The following GEN1 variants were observed in gnomAD, a reference collection of about 807,000 sequenced individuals.
GEN1 encodes the protein flap endonuclease GEN homolog 1.
A neutral mutation model predicts 67.6 loss-of-function variants in GEN1; 64 were observed. That is an observed-to-expected ratio of 0.95 (90% CI 0.77 to 1.17). The LOEUF is 1.17. Among genes scored for constraint, GEN1 ranks in the 50% most tolerant of loss-of-function variants. The pLI, the probability that GEN1 is intolerant of heterozygous loss-of-function variation, is 0.00. For missense variants in GEN1, 1,058 were observed against 1,048.3 expected (o/e 1.01, Z -0.13); for synonymous variants, 371 against 359.4 (o/e 1.03, Z -0.37).
chr2:17,761,940 TAAA>T lies in GEN1; in HGVS notation c.348+359_348+361del, dbSNP rs568688372. Among the ~76,000 whole-genome samples the T allele has an allele frequency of 1.1e-4, 17 of 152,282 alleles. No individual in the cohort carries two copies. In the South Asian group the frequency reaches 3.5e-3, roughly 32 times the overall value. Reference sequence around the variant, plus strand: ...TACCTTTTATAACACCTTCAGGACTTAAAGAAGTCCCAGAATACATGAGATCTC... The same window carrying T: ...TACCTTTTATAACACCTTCAGGACTTGAAGTCCCAGAATACATGAGATCTC... On this transcript the variant is annotated intron_variant, in intron 3 of 13. Transcript: ENST00000381254.
Position 17,766,701 on chromosome 2 carries a change from T to C in GEN1, c.636+12T>C. 7.1e-7 allele frequency: 1 copy of C among 1,405,998 alleles called. No homozygotes were observed. Among genetic ancestry groups the C allele is most frequent in the East Asian group, 2.3e-5 (1 of 43,764 alleles). 87.1% of individuals were successfully genotyped at this position (1,405,998 alleles called of 1,614,324 possible). Reference sequence around the variant, plus strand: ...ATTATCTCCCAAAGGTAAGCTGAAATTGTCATATTTATTTGCTATTCATAA... The same window carrying C: ...ATTATCTCCCAAAGGTAAGCTGAAACTGTCATATTTATTTGCTATTCATAA... On this transcript the variant is annotated intron_variant, in intron 5 of 13. Coordinates refer to ENST00000381254, the MANE Select transcript of GEN1 (RefSeq NM_001130009.3).
chr2:17,781,818 A>T lies in GEN1; in HGVS notation c.2606A>T (p.Asp869Val), dbSNP rs1004260070. 2 of 1,612,624 alleles carry T rather than the reference A, an allele frequency of 1.2e-6. No individual in the cohort carries two copies. The highest frequency in any genetic ancestry group is 1.7e-6 in the Non-Finnish European group (2 of 1,179,390). The change falls in exon 14 of 14, where the codon GAT (aspartate) becomes GTT (valine). Residue 869 changes from aspartate (D) to valine (V), a missense_variant. Coordinates refer to ENST00000381254, the MANE Select transcript of GEN1 (RefSeq NM_001130009.3). ...GAAAATGAAGAAAGCTGTTTCCCAGATTCAACAAAAAGTTCTCTGAGTTCT... is the reference window on the plus strand; with the variant it reads ...GAAAATGAAGAAAGCTGTTTCCCAGTTTCAACAAAAAGTTCTCTGAGTTCT... ...TAENEESCFP[D>V]STKSSLSSLQ...
chr2:17,786,326 G>A lies in GEN1; in HGVS notation c.*4387G>A, dbSNP rs1234067446. 1 of 152,218 alleles carries A rather than the reference G, an allele frequency of 6.6e-6. No individual in the cohort carries two copies. Among genetic ancestry groups the A allele is most frequent in the Non-Finnish European group, 1.5e-5 (1 of 68,038 alleles). The allele number at this position is 152,218 out of a possible 1,614,324, so 9.4% of individuals were successfully genotyped here. A position where few individuals can be genotyped will look rare whatever the true frequency, so the allele number is the denominator to read the frequency against. ...AAATGTGGACACAGTAACACTAGTA[G>A]GGGGCAGTGTGAGGGTGGGAGATGT... On this transcript the variant is annotated 3_prime_UTR_variant, in exon 14 of 14. Coordinates refer to ENST00000381254, the MANE Select transcript of GEN1 (RefSeq NM_001130009.3).
At chr2:17,771,321 C>A (rs1572405676) in intron 7 of GEN1, 34 bp downstream of exon 7, 4 of 1,196,934 alleles carry the variant, frequency 3.3e-6, no homozygotes, top group Non-Finnish European at 3.7e-6. Context: ...ATTAGTATCT[C>A]ATACCCATGT....
intron 6 of GEN1, among the ~76,000 whole-genome samples, chr2:17,770,284 A>G (rs1209850176): frequency 1.3e-5 from 2 of 152,172 alleles, no homozygotes; most frequent in Admixed American, 1.3e-4. Flanking sequence ...TCTGTTTTAT[A>G]TACTGACTTT....
Position 17,786,246 on chromosome 2 carries a change from G to A in GEN1, c.*4307G>A, listed in dbSNP as rs1397992349. On this transcript the variant is annotated 3_prime_UTR_variant, in exon 14 of 14. Coordinates refer to ENST00000381254, the MANE Select transcript of GEN1 (RefSeq NM_001130009.3). ...TGTCCGATACCATCATTTGGAAAGA[G>A]CACTATCAGATTTTGGATTCAAACT... 1.3e-5 allele frequency: 2 copies of A among 152,218 alleles called. No individual in the cohort carries two copies. Among genetic ancestry groups the A allele is most frequent in the African/African-American group, 2.4e-5 (1 of 41,448 alleles). 9.4% of individuals were successfully genotyped at this position (152,218 alleles called of 1,614,324 possible). A position where few individuals can be genotyped will look rare whatever the true frequency, so the allele number is the denominator to read the frequency against.
At chr2:17,766,811 G>A in intron 5 of GEN1, 122 bp downstream of exon 5, 1 of 568,926 alleles carries the variant, frequency 1.8e-6, no homozygotes, top group South Asian at 2.7e-5. Flanking sequence ...TATAATTTCA[G>A]GCATAATAAG....
At chr2:17,777,336 A>G (rs927441341) in intron 11 of GEN1, among the ~76,000 whole-genome samples, 70 of 152,304 alleles carry the variant, frequency 4.6e-4, no homozygotes, top group African/African-American at 1.5e-3. Flanking sequence ...GATGATGATG[A>G]TGATAAGCCA....
rs923938296 is a variant in GEN1, at chr2:17,785,911, T to A, written c.*3972T>A. ...GTCTAAAAAAAATTAAAATTTAAAT[T>A]AAAAAAAAATATACAATCTCCGTCT... is the stretch of plus-strand genomic sequence containing the variant. On this transcript the variant is annotated 3_prime_UTR_variant, in exon 14 of 14. Coordinates refer to ENST00000381254, the MANE Select transcript of GEN1 (RefSeq NM_001130009.3). The A allele has an allele frequency of 7.9e-5, 12 of 151,356 alleles. No homozygotes were observed. Among genetic ancestry groups the A allele is most frequent in the Non-Finnish European group, 1.2e-4 (8 of 67,754 alleles). The allele number at this position is 151,356 out of a possible 1,614,324, so 9.4% of individuals were successfully genotyped here. A position where few individuals can be genotyped will look rare whatever the true frequency, so the allele number is the denominator to read the frequency against.
intron 3 of GEN1, among the ~76,000 whole-genome samples, chr2:17,764,294 G>A (rs1671822368): frequency 6.6e-6 from 1 of 152,214 alleles, no homozygotes; most frequent in Admixed American, 6.5e-5. Context: ...AAAACTGTAT[G>A]ATAGCATCTT....
intron 12 of GEN1, among the ~76,000 whole-genome samples, 168 bp downstream of exon 12, chr2:17,778,231 T>C (rs868836373): frequency 4.8e-5 from 7 of 146,792 alleles, no homozygotes; most frequent in Non-Finnish European, 1.0e-4. Context: ...CACACACATA[T>C]ATGTGTGTAC....
intron 1 of GEN1, among the ~76,000 whole-genome samples, chr2:17,758,536 A>G (rs1157067139): frequency 1.3e-5 from 2 of 152,236 alleles, no homozygotes; most frequent in African/African-American, 4.8e-5. Context: ...CCACAATGGT[A>G]CATTCAACCA....
At chr2:17,780,551 T>G in intron 13 of GEN1, 70 bp from the exon 14 acceptor site, 1 of 1,053,498 alleles carries the variant, frequency 9.5e-7, no homozygotes, top group Non-Finnish European at 1.4e-6. Flanking sequence ...AACTGTTTAT[T>G]TTTTTATTTT....
Position 17,780,809 on chromosome 2 carries a change from A to G in GEN1, c.1597A>G (p.Lys533Glu). The G allele has an allele frequency of 6.2e-7, 1 of 1,613,924 alleles. No homozygotes were observed. Among genetic ancestry groups the G allele is most frequent in the East Asian group, 2.2e-5 (1 of 44,848 alleles). The change falls in exon 14 of 14, where the codon AAA (lysine) becomes GAA (glutamate). Residue 533 changes from lysine (K) to glutamate (E), a missense_variant. Coordinates refer to ENST00000381254, the MANE Select transcript of GEN1 (RefSeq NM_001130009.3). The part of the protein sequence containing the change: ...SASLNSLLLP[K>E]NTPCLNAQEQ... ...CTCATTGAATAGCTTGCTTTTACCT[A>G]AAAATACTCCATGTTTGAATGCACA...
At chr2:17,776,095 G>A (rs542781773) in intron 11 of GEN1, among the ~76,000 whole-genome samples, 64 of 132,572 alleles carry the variant, frequency 4.8e-4, no homozygotes, top group Admixed American at 3.1e-3. Flanking sequence ...CAAACTTGGT[G>A]ACAGAGTGAG....
chr2:17,756,661 G>T (rs1358273826), intron 1 of GEN1, among the ~76,000 whole-genome samples: 2 of 152,114 alleles, frequency 1.3e-5, no homozygotes, highest in African/African-American at 2.4e-5. Context: ...CCTGGCCTCA[G>T]GTGATCCGCC....
intron 4 of GEN1, among the ~76,000 whole-genome samples, chr2:17,765,549 C>T (rs1232802143): frequency 6.6e-6 from 1 of 152,170 alleles, no homozygotes; most frequent in Admixed American, 6.5e-5. Flanking sequence ...TGCTGGGAGA[C>T]ATTTTGGTTG....
In GEN1 at chr2:17,766,356, G is replaced by A. The variant is rs111867055; in HGVS notation, c.526-223G>A. Among the ~76,000 whole-genome samples, 20,884 of 152,028 alleles carry A rather than the reference G, an allele frequency of 0.14. 1,753 individuals are homozygous for A. Among genetic ancestry groups the A allele is most frequent in the African/African-American group, 0.24 (9,934 of 41,444 alleles). On this transcript the variant is annotated intron_variant, in intron 4 of 13. Transcript: ENST00000381254. ...CTAATTTTTTTGTATTTTTAGTAGA[G>A]ATGGGGTTTCACCATGTTGGCCAGG...
intron 1 of GEN1, among the ~76,000 whole-genome samples, chr2:17,756,017 C>G (rs1397509144): frequency 6.6e-6 from 1 of 152,174 alleles, no homozygotes. Flanking sequence ...CCAAGCAATA[C>G]TTTCTGAAAT....
Sources: allele counts gnomAD v4.1 joint callset (sites outside exome capture counted in the v4.1 genomes callset), GRCh38; gene constraint gnomAD v4.1.1; transcripts MANE v1.5; gene names NCBI Gene and HGNC (gene_info 2026-07-23, HGNC 2026-07-21).